TTC23L: variants seen among roughly 807,000 people sequenced by gnomAD.
TTC23L encodes the protein tetratricopeptide repeat protein 23-like.
A neutral mutation model predicts 48.1 loss-of-function variants in TTC23L; 42 were observed. That is an observed-to-expected ratio of 0.87 (90% CI 0.68 to 1.13). The LOEUF (loss-of-function observed/expected upper bound fraction) is 1.13. Among genes scored for constraint, TTC23L ranks in the 50% most tolerant of loss-of-function variants. The pLI, the probability that TTC23L is intolerant of heterozygous loss-of-function variation, is 0.00. For missense variants in TTC23L, 391 were observed against 421.0 expected (o/e 0.93, Z 0.62); for synonymous variants, 159 against 157.2 (o/e 1.01, Z -0.09).
At chr5:34,912,640 A>T in the TTC23L span, among the ~76,000 whole-genome samples, 179 of 152,316 alleles carry the variant, frequency 1.2e-3, no homozygotes, top group African/African-American at 4.2e-3. Context: ...TTTTATACCC[A>T]CAGCAATTCA....
intron 4 of TTC23L, among the ~76,000 whole-genome samples, chr5:34,860,253 C>CA (rs1449471936): frequency 6.6e-6 from 1 of 152,172 alleles, no homozygotes; most frequent in Non-Finnish European, 1.5e-5. Flanking sequence ...CACATACATA[C>CA]ACACACTTGC....
At chr5:34,878,849 C>T (rs1762034168) in intron 8 of TTC23L, among the ~76,000 whole-genome samples, 1 of 152,060 alleles carries the variant, frequency 6.6e-6, no homozygotes, top group Non-Finnish European at 1.5e-5. Context: ...TAGGCATCTA[C>T]CCAAAAGAAA....
intron 4 of TTC23L, among the ~76,000 whole-genome samples, chr5:34,858,812 T>G (rs1003110298): frequency 5.9e-5 from 9 of 152,164 alleles, no homozygotes; most frequent in African/African-American, 1.9e-4. Flanking sequence ...TTTTTTCCCT[T>G]TAGGGCTTAA....
At chr5:34,891,606 T>C (rs1217721116) in intron 9 of TTC23L, among the ~76,000 whole-genome samples, 1 of 152,222 alleles carries the variant, frequency 6.6e-6, no homozygotes, top group Non-Finnish European at 1.5e-5. Context: ...TTTGAACATA[T>C]CTAAAGTATA....
the TTC23L span, among the ~76,000 whole-genome samples, chr5:34,919,499 A>G: frequency 2.0e-5 from 3 of 152,104 alleles, no homozygotes; most frequent in African/African-American, 7.2e-5. Context: ...AGTGAAAGAT[A>G]TTTTCATTGA....
At chr5:34,896,775 G>A (rs892967514) in exon 10 of TTC23L, 2 of 768,392 alleles carry the variant, frequency 2.6e-6, no homozygotes, top group South Asian at 1.4e-5. Flanking sequence ...TAAAGGACAA[G>A]TAGCAGTTCA....
chr5:34,890,433 C>A (rs574599947), intron 9 of TTC23L, among the ~76,000 whole-genome samples: 24 of 131,694 alleles, frequency 1.8e-4, no homozygotes, highest in African/African-American at 6.2e-4. Flanking sequence ...CAGACTGAGA[C>A]CCTGTCTCAA....
At position 34,897,078 on chromosome 5, in the gene TTC23L, C is replaced by T. The variant is rs550168363; in HGVS notation, c.*97+203C>T. Among the ~76,000 whole-genome samples the T allele has an allele frequency of 1.4e-4, 21 of 152,102 alleles. No individual in the cohort carries two copies. In the South Asian group the frequency reaches 3.7e-3, roughly 27 times the overall value. On this transcript the variant is annotated intron_variant, in intron 10 of 10. Coordinates refer to ENST00000505624, the Ensembl canonical transcript of TTC23L. ...CAGGTTACTTTTCTGAAGGGCTTCT[C>T]AGGACTTTTAATATACAAAACCTTC...
intron 9 of TTC23L, among the ~76,000 whole-genome samples, chr5:34,882,110 T>C (rs1485287700): frequency 6.6e-6 from 1 of 152,212 alleles, no homozygotes; most frequent in African/African-American, 2.4e-5. Flanking sequence ...TAACTTTCTT[T>C]TCAAAGATGT....
chr5:34,854,077 T>C (rs1759907112), intron 4 of TTC23L, among the ~76,000 whole-genome samples: 1 of 152,190 alleles, frequency 6.6e-6, no homozygotes, highest in Admixed American at 6.5e-5. Flanking sequence ...ACTTTTCCAA[T>C]TAGATTCCAA....
intron 10 of TTC23L, among the ~76,000 whole-genome samples, chr5:34,898,527 C>T (rs1472764971): frequency 6.6e-6 from 1 of 152,176 alleles, no homozygotes; most frequent in East Asian, 1.9e-4. Flanking sequence ...AGAGATGCAG[C>T]CCTCTTACAG....
the TTC23L span, among the ~76,000 whole-genome samples, chr5:34,917,653 A>G: frequency 1.3e-5 from 2 of 152,228 alleles, no homozygotes; most frequent in African/African-American, 2.4e-5. Context: ...CAAACAAACA[A>G]AAAAAGTAAA....
chr5:34,846,073 A>T (rs1759099916), intron 3 of TTC23L, among the ~76,000 whole-genome samples: 1 of 152,136 alleles, frequency 6.6e-6, no homozygotes, highest in Non-Finnish European at 1.5e-5. Flanking sequence ...AGTCCCATCT[A>T]CTTGGGAAGC....
At chr5:34,919,484 T>A in the TTC23L span, among the ~76,000 whole-genome samples, 1 of 152,142 alleles carries the variant, frequency 6.6e-6, no homozygotes, top group African/African-American at 2.4e-5. Flanking sequence ...CACCTAAGAT[T>A]AAAAAGTGAA....
chr5:34,846,600 T>TATATATATATATACACAC (rs61009546), intron 3 of TTC23L, among the ~76,000 whole-genome samples: 1 of 92,912 alleles, frequency 1.1e-5, no homozygotes, highest in African/African-American at 5.2e-5. Flanking sequence ...TATATATATA[T>TATATATATATATACACAC]ACACACACAT....
At chr5:34,909,140 C>A in the TTC23L span, 1 of 954,052 alleles carries the variant, frequency 1.0e-6, no homozygotes, top group East Asian at 2.6e-5. Flanking sequence ...CTCTACTATT[C>A]ATTTTTATAA....
rs561354084 is a variant in TTC23L, at chr5:34,882,525, G to A, written c.1077+2217G>A. ...CATTTCCCATATTTAAAAGTAGCTC[G>A]TTCTCCTGCCTCCAAGCTTCATGTG... On this transcript the variant is annotated intron_variant, in intron 9 of 10. Transcript: ENST00000505624. Among the ~76,000 whole-genome samples the A allele has an allele frequency of 4.6e-5, 7 of 151,818 alleles. No individual in the cohort carries two copies. The East Asian group carries it at 5.8e-4, about 13-fold the overall frequency.
intron 8 of TTC23L, among the ~76,000 whole-genome samples, chr5:34,874,871 T>C (rs939212347): frequency 2.0e-5 from 3 of 152,314 alleles, no homozygotes; most frequent in Non-Finnish European, 2.9e-5. Flanking sequence ...TTAACAATTA[T>C]TTTAAACATC....
At chr5:34,920,404 TA>T in the TTC23L span, 1 of 152,222 alleles carries the variant, frequency 6.6e-6, no homozygotes, top group East Asian at 1.9e-4. Flanking sequence ...ATTTACATTT[TA>T]AAGCAAAATT....
Sources: allele counts gnomAD v4.1 joint callset (sites outside exome capture counted in the v4.1 genomes callset), GRCh38; gene constraint gnomAD v4.1.1; transcripts MANE v1.5; gene names NCBI Gene and HGNC (gene_info 2026-07-23, HGNC 2026-07-21).